Variants in CLIC2 observed in about 807,000 individuals in gnomAD.
The protein encoded by CLIC2 is CLIC family member 2, also known as chloride intracellular channel protein 2.
In CLIC2, 9 loss-of-function variants were observed where a neutral mutation model predicts 14.8. The ratio of observed to expected loss-of-function variants is 0.61; its 90% confidence interval spans 0.37 to 1.06. CLIC2 has a LOEUF of 1.06. CLIC2 is among the 50% of genes least tolerant of loss of function. The probability of loss-of-function intolerance (pLI) is 0.01; values close to 1 mark genes in which losing one functional copy is unlikely to be tolerated. For synonymous variants in CLIC2, 61 were observed against 66.3 expected (o/e 0.92, Z 0.39); for missense variants, 148 against 181.4 (o/e 0.82, Z 1.06).
rs1322301637 is a variant in CLIC2 at position 155,330,987 on chromosome X, A to AT, written c.57+3383dup. On this transcript the variant is annotated intron_variant, in intron 1 of 5. Coordinates refer to ENST00000369449, the MANE Select transcript of CLIC2 (RefSeq NM_001289.6). ...TCCAGAAACACTGGACAAAATTTCA[A>AT]TTTTTTGACAAAATTTTCTTTCCCT... Among the ~76,000 whole-genome samples the AT allele has an allele frequency of 5.4e-5, 6 of 111,230 alleles. No individual in the cohort carries two copies. In the Admixed American group the frequency reaches 5.8e-4, roughly 11 times the overall value.
At chrX:155,278,766 C>T (rs1438061991) in intron 5 of CLIC2, 8 of 139,753 alleles carry the variant, frequency 5.7e-5, no homozygotes, top group Non-Finnish European at 1.1e-4. Context: ...GAAACCCTGT[C>T]TCTACAAAAA....
intron 1 of CLIC2, among the ~76,000 whole-genome samples, chrX:155,316,273 A>T (rs1398790552): frequency 8.9e-6 from 1 of 112,133 alleles, no homozygotes; most frequent in Admixed American, 9.5e-5. Context: ...GACTTAACAG[A>T]TATTTACAGA....
chrX:155,305,282 C>T (rs1016736487), intron 1 of CLIC2, among the ~76,000 whole-genome samples: 3 of 112,120 alleles, frequency 2.7e-5, no homozygotes, highest in Admixed American at 9.4e-5. Context: ...TGTGGTGCGC[C>T]GTTTTTTAAG....
intron 3 of CLIC2, chrX:155,292,613 A>C (rs1336380677): frequency 3.6e-6 from 1 of 276,271 alleles, no homozygotes; most frequent in South Asian, 6.3e-5. Flanking sequence ...TACTAAAAAT[A>C]CAAAAAATTA....
intron 3 of CLIC2, among the ~76,000 whole-genome samples, chrX:155,290,041 G>A (rs1602932831): frequency 8.9e-6 from 1 of 111,789 alleles, no homozygotes; most frequent in Non-Finnish European, 1.9e-5. Flanking sequence ...TTTATCCTTC[G>A]AGACATCAGA....
intron 1 of CLIC2, among the ~76,000 whole-genome samples, chrX:155,327,380 A>C (rs2075142284): frequency 9.0e-6 from 1 of 111,716 alleles, no homozygotes; most frequent in African/African-American, 3.2e-5. Flanking sequence ...GTGAGGAAAT[A>C]AAGCATAAGA....
chrX:155,318,480 G>A lies in CLIC2; in HGVS notation c.57+15891C>T, dbSNP rs10126769. On this transcript the variant is annotated intron_variant, in intron 1 of 5. Transcript: ENST00000369449. ...ATAGTTGCAAAAAATAAAATAAAAT[G>A]AACAACTCAGGAATATACCTAACCA... 8.3e-3 allele frequency among the ~76,000 whole-genome samples: 921 copies of A among 111,263 alleles called. 9 individuals are homozygous for A. The highest frequency in any genetic ancestry group is 0.029 in the African/African-American group (878 of 30,623).
At chrX:155,280,115 G>A in intron 3 of CLIC2, 47 bp from the exon 4 acceptor site, 8 of 873,674 alleles carry the variant, frequency 9.2e-6, no homozygotes, top group Non-Finnish European at 1.4e-5. Flanking sequence ...TAACATGACA[G>A]AGACCAGGTG....
intron 1 of CLIC2, among the ~76,000 whole-genome samples, chrX:155,326,917 T>G (rs1330010225): frequency 1.8e-5 from 2 of 111,465 alleles, no homozygotes; most frequent in Non-Finnish European, 3.8e-5. Context: ...AGATTAATGG[T>G]TGAGGGACTG....
chrX:155,291,822 A>T (rs1404100191), intron 3 of CLIC2, among the ~76,000 whole-genome samples: 4 of 112,477 alleles, frequency 3.6e-5, no homozygotes, highest in Non-Finnish European at 7.5e-5. Context: ...AATGCCTAGT[A>T]TTACAGATAT....
Position 155,277,592 on chromosome X carries a change from G to A in CLIC2, c.*311C>T, listed in dbSNP as rs919475525. ...TCTACTTATGACATTTATAACTGCA[G>A]ACATCTGTTTAGCTTATATGTATGC... On this transcript the variant is annotated 3_prime_UTR_variant, in exon 6 of 6. Transcript: ENST00000369449. The A allele has an allele frequency of 1.0e-4, 22 of 211,204 alleles. No homozygotes were observed. Among genetic ancestry groups the A allele is most frequent in the Non-Finnish European group, 1.7e-5 (2 of 117,982 alleles). 17.4% of individuals were successfully genotyped at this position (211,204 alleles called of 1,213,427 possible).
chrX:155,305,307 G>A (rs2075049676), intron 1 of CLIC2, among the ~76,000 whole-genome samples: 2 of 112,247 alleles, frequency 1.8e-5, no homozygotes, highest in East Asian at 2.8e-4. Flanking sequence ...CCGGAAAAGC[G>A]CAGTATTTGG....
chrX:155,304,453 T>C (rs2075037890), intron 1 of CLIC2, among the ~76,000 whole-genome samples: 1 of 85,553 alleles, frequency 1.2e-5, no homozygotes, highest in Non-Finnish European at 2.4e-5. Context: ...AGCACTTCTC[T>C]GTATTGGTTA....
In CLIC2 at chrX:155,277,826, A is replaced by T; in HGVS notation, c.*77T>A. 2.2e-6 allele frequency: 2 copies of T among 894,230 alleles called. No homozygotes were observed. Among genetic ancestry groups the T allele is most frequent in the Middle Eastern group, 3.2e-4 (1 of 3,151 alleles). 73.7% of individuals were successfully genotyped at this position (894,230 alleles called of 1,213,427 possible). A position where few individuals can be genotyped will look rare whatever the true frequency, so the allele number is the denominator to read the frequency against. On this transcript the variant is annotated 3_prime_UTR_variant, in exon 6 of 6. Coordinates refer to ENST00000369449, the MANE Select transcript of CLIC2 (RefSeq NM_001289.6). Reference sequence around the variant, plus strand: ...AAGAAACAGTATTTTTCATATTCTTATTTGCAAAAACCTTTCTAATATGTC... The same window carrying T: ...AAGAAACAGTATTTTTCATATTCTTTTTTGCAAAAACCTTTCTAATATGTC...
At chrX:155,279,868 C>T (rs782521917) in intron 4 of CLIC2, 94 bp downstream of exon 4, 126 of 608,334 alleles carry the variant, frequency 2.1e-4, no homozygotes, top group Middle Eastern at 8.7e-4. Flanking sequence ...GGCCAGTCCC[C>T]AAAATATACT....
chrX:155,291,063 C>T lies in CLIC2; in HGVS notation c.293+7722G>A, dbSNP rs782788766. ...TCCAGATTCCTTTTCCAGAGTTGCT[C>T]TTGTTGCTGCATATAACCTTTTTTG... On this transcript the variant is annotated intron_variant, in intron 3 of 5. Coordinates refer to ENST00000369449, the MANE Select transcript of CLIC2 (RefSeq NM_001289.6). 5.2e-5 allele frequency: 42 copies of T among 814,114 alleles called. No individual in the cohort carries two copies. In the African/African-American group the frequency reaches 7.7e-4, roughly 15 times the overall value. 67.1% of individuals were successfully genotyped at this position (814,114 alleles called of 1,213,427 possible).
intron 1 of CLIC2, among the ~76,000 whole-genome samples, chrX:155,301,539 C>G (rs2075018002): frequency 9.8e-6 from 1 of 102,313 alleles, no homozygotes; most frequent in African/African-American, 3.5e-5. Flanking sequence ...GACAATTTGA[C>G]TTCCTCTTTT....
intron 3 of CLIC2, chrX:155,290,552 G>C: frequency 1.7e-6 from 1 of 582,086 alleles, no homozygotes; most frequent in Non-Finnish European, 3.1e-6. Context: ...CTAGCAGAGG[G>C]CTCTTGCAGC....
At chrX:155,309,615 G>T in intron 1 of CLIC2, 1 of 271,492 alleles carries the variant, frequency 3.7e-6, no homozygotes, top group Non-Finnish European at 6.9e-6. Context: ...GGAAGAAGGT[G>T]AAAGGCACAT....
Sources: allele counts gnomAD v4.1 joint callset (sites outside exome capture counted in the v4.1 genomes callset), GRCh38; gene constraint gnomAD v4.1.1; transcripts MANE v1.5; gene names NCBI Gene and HGNC (gene_info 2026-07-23, HGNC 2026-07-21).